CIAO2A: variants seen among roughly 807,000 people sequenced by gnomAD.
CIAO2A encodes the protein cytosolic iron-sulfur assembly component 2A, also known as MIP18 family protein FAM96A.
CIAO2A carries 17 observed loss-of-function variants against 22.4 expected under a neutral mutation model. The ratio of observed to expected loss-of-function variants is 0.76; its 90% confidence interval spans 0.52 to 1.14. The LOEUF (loss-of-function observed/expected upper bound fraction) is 1.14. Ranked by LOEUF, CIAO2A falls within the 50% of genes most tolerant of loss-of-function variation. The pLI is 0.00. For synonymous variants in CIAO2A, 74 were observed against 72.3 expected (o/e 1.02, Z -0.12); for missense variants, 192 against 191.4 (o/e 1.00, Z -0.02).
intron 2 of CIAO2A, among the ~76,000 whole-genome samples, chr15:64,086,376 C>A (rs1051547952): frequency 2.0e-5 from 3 of 151,874 alleles, no homozygotes; most frequent in South Asian, 2.1e-4. Flanking sequence ...TGCACCATTG[C>A]GCTCCAGCCT....
chr15:64,084,640 A>C (rs1264254349), intron 2 of CIAO2A, among the ~76,000 whole-genome samples: 2 of 152,036 alleles, frequency 1.3e-5, no homozygotes, highest in African/African-American at 4.8e-5. Context: ...GTGGTGGTGC[A>C]TGTCTGTAAT....
At position 64,075,542 on chromosome 15, in the gene CIAO2A, A is replaced by G. The variant is rs2080710817; in HGVS notation, c.340-5T>C. 1 of 1,569,740 alleles carries G rather than the reference A, an allele frequency of 6.4e-7. No individual in the cohort carries two copies. The highest frequency in any genetic ancestry group is 1.2e-5 in the South Asian group (1 of 86,478). ...TTCAGAAATGTAGATTTCCAACTGG[A>G]AAGTGGGAAAAAAAGTAAAAGAAAA... is the stretch of plus-strand genomic sequence containing the variant. On this transcript the variant is annotated splice_region_variant and splice_polypyrimidine_tract_variant and intron_variant, in intron 3 of 4. Coordinates refer to ENST00000300030, the MANE Select transcript of CIAO2A (RefSeq NM_032231.7).
At chr15:64,077,095 G>A (rs896700802) in intron 3 of CIAO2A, among the ~76,000 whole-genome samples, 11 of 152,136 alleles carry the variant, frequency 7.2e-5, no homozygotes, top group African/African-American at 2.4e-4. Flanking sequence ...GGCGGATCAC[G>A]AGGTCAGGAG....
chr15:64,077,202 G>A (rs2080725648), intron 3 of CIAO2A, among the ~76,000 whole-genome samples: 1 of 152,184 alleles, frequency 6.6e-6, no homozygotes, highest in South Asian at 2.1e-4. Flanking sequence ...GGAGGCTGAG[G>A]CAGGAGAATC....
chr15:64,091,999 G>A (rs1011110328), intron 1 of CIAO2A, among the ~76,000 whole-genome samples: 14 of 150,188 alleles, frequency 9.3e-5, no homozygotes, highest in African/African-American at 3.4e-4. Flanking sequence ...GGTGGATGGA[G>A]GCTGCAGTGA....
intron 2 of CIAO2A, among the ~76,000 whole-genome samples, chr15:64,083,204 A>C (rs1485313116): frequency 6.6e-6 from 1 of 151,388 alleles, no homozygotes; most frequent in Non-Finnish European, 1.5e-5. Context: ...AATAGTAAAA[A>C]ATAATAGTAT....
intron 2 of CIAO2A, among the ~76,000 whole-genome samples, chr15:64,082,175 G>A (rs999099362): frequency 6.6e-6 from 1 of 152,168 alleles, no homozygotes; most frequent in African/African-American, 2.4e-5. Flanking sequence ...TCCCAAAACA[G>A]GGAAAAGGAT....
At chr15:64,083,599 G>C (rs1433849025) in intron 2 of CIAO2A, among the ~76,000 whole-genome samples, 1 of 152,110 alleles carries the variant, frequency 6.6e-6, no homozygotes, top group Non-Finnish European at 1.5e-5. Flanking sequence ...AAGTTTTCCA[G>C]CTGTGTTGAC....
chr15:64,081,155 T>C lies in CIAO2A; in HGVS notation c.290-4A>G. ...AGTTTTACTCTTAAGCACAGCCCTG[T>C]GGAGGGAAAATCACACCTCCAATTA... On this transcript the variant is annotated splice_region_variant and splice_polypyrimidine_tract_variant and intron_variant, in intron 2 of 4. Coordinates refer to ENST00000300030, the MANE Select transcript of CIAO2A (RefSeq NM_032231.7). The C allele has an allele frequency of 6.2e-7, 1 of 1,612,652 alleles. No homozygotes were observed. Among genetic ancestry groups the C allele is most frequent in the Non-Finnish European group, 8.5e-7 (1 of 1,179,426 alleles).
At chr15:64,077,038 C>A (rs934626041) in intron 3 of CIAO2A, among the ~76,000 whole-genome samples, 1 of 152,126 alleles carries the variant, frequency 6.6e-6, no homozygotes, top group Non-Finnish European at 1.5e-5. Context: ...ACAAGCCGGG[C>A]GTGGTGGCTC....
At chr15:64,085,692 A>T (rs2080788985) in intron 2 of CIAO2A, among the ~76,000 whole-genome samples, 6 of 152,050 alleles carry the variant, frequency 3.9e-5, no homozygotes, top group Admixed American at 3.9e-4. Flanking sequence ...TAGACCTGGA[A>T]TTTTAGCCCA....
At chr15:64,091,017 A>G (rs1170597718) in intron 1 of CIAO2A, among the ~76,000 whole-genome samples, 1 of 152,210 alleles carries the variant, frequency 6.6e-6, no homozygotes, top group Admixed American at 6.5e-5. Context: ...ATGGTGAGGT[A>G]GAAAGGAAAG....
intron 2 of CIAO2A, among the ~76,000 whole-genome samples, chr15:64,087,184 C>T (rs1443671351): frequency 4.0e-5 from 6 of 151,046 alleles, no homozygotes; most frequent in African/African-American, 1.2e-4. Flanking sequence ...CTCCGCTTCC[C>T]GGGTTCACGC....
intron 2 of CIAO2A, among the ~76,000 whole-genome samples, chr15:64,087,645 GAA>G (rs1021625708): frequency 1.3e-5 from 2 of 152,228 alleles, no homozygotes; most frequent in African/African-American, 4.8e-5. Context: ...CAACCAGTGA[GAA>G]AAGACAGAAA....
chr15:64,075,538 C>T lies in CIAO2A; in HGVS notation c.340-1G>A, dbSNP rs770517666. 1.0e-5 allele frequency: 16 copies of T among 1,574,870 alleles called. No individual in the cohort carries two copies. Among genetic ancestry groups the T allele is most frequent in the Non-Finnish European group, 1.4e-5 (16 of 1,156,030 alleles). On this transcript the variant is annotated splice_acceptor_variant, in intron 3 of 4. Transcript: ENST00000300030. LOFTEE classifies it high-confidence loss of function. The stretch of plus-strand genomic sequence containing the variant: ...TTCCTTCAGAAATGTAGATTTCCAA[C>T]TGGAAAGTGGGAAAAAAAGTAAAAG...
chr15:64,093,572 C>T (rs969122683), intron 1 of CIAO2A, 73 bp downstream of exon 1: 2 of 1,487,932 alleles, frequency 1.3e-6, no homozygotes, highest in Admixed American at 2.1e-5. Flanking sequence ...TCAGGTGAGG[C>T]CATCATCCCC....
At chr15:64,084,305 G>A (rs777432184) in intron 2 of CIAO2A, among the ~76,000 whole-genome samples, 1 of 152,008 alleles carries the variant, frequency 6.6e-6, no homozygotes, top group African/African-American at 2.4e-5. Flanking sequence ...ACCACGTCTG[G>A]CGAATATTTT....
At chr15:64,075,657 T>A (rs547398321) in intron 3 of CIAO2A, 120 bp from the exon 4 acceptor site, 125 of 494,518 alleles carry the variant, frequency 2.5e-4, no homozygotes, top group Non-Finnish European at 3.8e-4. Context: ...CTGTTTCTTT[T>A]TTTTTTTTTT....
rs183049666 is a variant in CIAO2A, at chr15:64,083,502, T to C, written c.290-2351A>G. ...TACCAAGGTAACATTGAGTAGGTGA[T>C]ACTCTTACTCAGGCACCTTTCCAGG... On this transcript the variant is annotated intron_variant, in intron 2 of 4. Transcript: ENST00000300030. 2.3e-4 allele frequency among the ~76,000 whole-genome samples: 35 copies of C among 152,346 alleles called. 1 individual carries two copies. In the East Asian group the frequency reaches 5.4e-3, roughly 23 times the overall value.
Sources: allele counts gnomAD v4.1 joint callset (sites outside exome capture counted in the v4.1 genomes callset), GRCh38; gene constraint gnomAD v4.1.1; transcripts MANE v1.5; gene names NCBI Gene and HGNC (gene_info 2026-07-23, HGNC 2026-07-21).